ASIC2: variants seen among roughly 807,000 people sequenced by gnomAD.
ASIC2 encodes acid-sensing ion channel 2.
Under a neutral mutation model 57.3 loss-of-function variants are expected in ASIC2, and 25 were observed. The observed-to-expected ratio is 0.44, with a 90% confidence interval of 0.32 to 0.61. ASIC2 has a LOEUF of 0.61. ASIC2 is among the 20% of genes least tolerant of loss of function. The pLI is 0.06. For synonymous variants in ASIC2, 319 were observed against 307.5 expected, an observed-to-expected ratio of 1.04 and a Z score of -0.39; for missense variants, 641 against 738.1, an observed-to-expected ratio of 0.87 and a Z score of 1.52.
intron 3 of ASIC2, among the ~76,000 whole-genome samples, chr17:33,061,364 G>C (rs1267866110): frequency 1.3e-5 from 2 of 151,930 alleles, no homozygotes; most frequent in Admixed American, 6.6e-5. Context: ...GAGAGTTTTT[G>C]GCATGAAGGG....
chr17:33,788,994 C>A (rs1023720393), intron 1 of ASIC2, among the ~76,000 whole-genome samples: 2 of 152,114 alleles, frequency 1.3e-5, no homozygotes, highest in African/African-American at 2.4e-5. Context: ...AACAAACTTG[C>A]ACATTCTGCA....
intron 1 of ASIC2, among the ~76,000 whole-genome samples, chr17:33,350,687 A>AAAAGAAAG (rs55667206): frequency 3.3e-4 from 48 of 145,664 alleles, no homozygotes; most frequent in African/African-American, 1.1e-3. Context: ...GTGAGAAAAA[A>AAAAGAAAG]AAAGAAAGAA....
At chr17:34,069,049 G>A (rs1027744638) in intron 1 of ASIC2, among the ~76,000 whole-genome samples, 6 of 152,224 alleles carry the variant, frequency 3.9e-5, no homozygotes, top group African/African-American at 7.2e-5. Context: ...ACTGACACAG[G>A]AGAGTGGGCT....
At chr17:33,851,937 G>A (rs1214856633) in intron 1 of ASIC2, among the ~76,000 whole-genome samples, 2 of 152,204 alleles carry the variant, frequency 1.3e-5, no homozygotes, top group Admixed American at 6.5e-5. Flanking sequence ...TGCTGTTTCC[G>A]TGACCAGGGC....
chr17:33,207,434 A>C (rs983559455), intron 1 of ASIC2, among the ~76,000 whole-genome samples: 66 of 152,350 alleles, frequency 4.3e-4, no homozygotes, highest in African/African-American at 1.5e-3. Flanking sequence ...TCATGTCATC[A>C]AATCTTCAAA....
chr17:33,872,311 A>T (rs968402194), intron 1 of ASIC2, among the ~76,000 whole-genome samples: 2 of 152,160 alleles, frequency 1.3e-5, no homozygotes, highest in African/African-American at 4.8e-5. Context: ...CCCTACACAC[A>T]GCCTGAACCA....
At chr17:33,163,577 G>A (rs8078040) in intron 1 of ASIC2, among the ~76,000 whole-genome samples, 16,702 of 152,032 alleles carry the variant, frequency 0.11, 1,032 homozygotes, top group Middle Eastern at 0.17. Context: ...TTCCAGACAC[G>A]CTGTCACATT....
chr17:34,071,388 A>G (rs1394298699), intron 1 of ASIC2: 1 of 152,118 alleles, frequency 6.6e-6, no homozygotes, highest in Non-Finnish European at 1.5e-5. Context: ...CACCATCTGC[A>G]CTGTTCTCTT....
intron 1 of ASIC2, among the ~76,000 whole-genome samples, chr17:33,401,985 A>G (rs1465380401): frequency 6.6e-6 from 1 of 152,114 alleles, no homozygotes; most frequent in Admixed American, 6.5e-5. Flanking sequence ...CTCTTCTTTG[A>G]CTCCAATTCC....
At chr17:33,706,164 T>C (rs1178476343) in intron 1 of ASIC2, among the ~76,000 whole-genome samples, 1 of 148,982 alleles carries the variant, frequency 6.7e-6, no homozygotes, top group African/African-American at 2.5e-5. Context: ...GAATCTGTAG[T>C]CATATGTGTG....
intron 1 of ASIC2, among the ~76,000 whole-genome samples, chr17:33,188,699 T>C (rs896102607): frequency 2.0e-5 from 3 of 152,166 alleles, no homozygotes; most frequent in Admixed American, 6.5e-5. Flanking sequence ...TAAAATTATA[T>C]ATCTGGTAAA....
intron 1 of ASIC2, among the ~76,000 whole-genome samples, chr17:33,465,153 G>A (rs1912819183): frequency 1.3e-5 from 2 of 152,106 alleles, no homozygotes; most frequent in Admixed American, 6.5e-5. Context: ...TTTCATGCTG[G>A]CTTCTAGCTT....
chr17:33,332,167 C>G (rs1457436233), intron 1 of ASIC2, among the ~76,000 whole-genome samples: 1 of 152,176 alleles, frequency 6.6e-6, no homozygotes, highest in Non-Finnish European at 1.5e-5. Context: ...ATGAAGATTA[C>G]CTTGGCCTCT....
intron 1 of ASIC2, among the ~76,000 whole-genome samples, chr17:33,977,777 C>G (rs1280866784): frequency 1.3e-5 from 2 of 152,218 alleles, no homozygotes; most frequent in African/African-American, 4.8e-5. Context: ...TCCCTCCCAA[C>G]AGAAGCCTCA....
chr17:33,828,049 T>G (rs1405799090), intron 1 of ASIC2: 7 of 152,244 alleles, frequency 4.6e-5, no homozygotes, highest in African/African-American at 1.7e-4. Context: ...ATAAAGGACA[T>G]GAACTCATTC....
At chr17:33,459,201 G>A (rs1189683167) in intron 1 of ASIC2, among the ~76,000 whole-genome samples, 1 of 151,934 alleles carries the variant, frequency 6.6e-6, no homozygotes, top group African/African-American at 2.4e-5. Flanking sequence ...GGCTAGCCAT[G>A]GGGGCAGCAG....
chr17:33,515,760 G>A lies in ASIC2; in HGVS notation c.556-403693C>T, dbSNP rs571910906. 1.5e-4 allele frequency among the ~76,000 whole-genome samples: 23 copies of A among 152,250 alleles called. 1 individual carries two copies. In the East Asian group the frequency reaches 3.9e-3, roughly 26 times the overall value. On this transcript the variant is annotated intron_variant, in intron 1 of 9. Transcript: ENST00000359872. ...TCAATAGTCCCAGATGCCCACTCTC[G>A]GACTTGGCTTGCTATTCCTGTCCTG...
chr17:33,455,841 T>C (rs537863294), intron 1 of ASIC2, among the ~76,000 whole-genome samples: 3 of 152,348 alleles, frequency 2.0e-5, no homozygotes, highest in African/African-American at 7.2e-5. Context: ...TTGCATATAA[T>C]TGCTTAGAAC....
chr17:33,122,893 C>T (rs992232231), intron 1 of ASIC2, among the ~76,000 whole-genome samples: 1 of 151,876 alleles, frequency 6.6e-6, no homozygotes, highest in Non-Finnish European at 1.5e-5. Context: ...TAAAAAATGC[C>T]CAACATCACA....
Sources: gnomAD v4.1 joint callset for allele counts (sites outside exome capture counted in the v4.1 genomes callset) on GRCh38, gnomAD v4.1.1 for gene constraint, MANE v1.5 for transcripts, NCBI Gene and HGNC (gene_info 2026-07-23, HGNC 2026-07-21) for gene names.